The following FAM20B variants were observed in gnomAD, a reference collection of about 807,000 sequenced individuals.
FAM20B encodes FAM20B glycosaminoglycan xylosylkinase.
A neutral mutation model predicts 43.8 loss-of-function variants in FAM20B; 23 were observed. The ratio of observed to expected loss-of-function variants is 0.53; its 90% CI spans 0.38 to 0.74. FAM20B has a LOEUF of 0.74. Among genes scored for constraint, FAM20B ranks in the 30% least tolerant of loss-of-function variants. The probability of loss-of-function intolerance (pLI) is 0.00; values close to 1 mark genes in which losing one functional copy is unlikely to be tolerated. For missense variants in FAM20B, 440 were observed against 510.5 expected (o/e 0.86, Z 1.33); for synonymous variants, 178 against 192.4 (o/e 0.93, Z 0.62).
At position 179,074,584 on chromosome 1, in the gene FAM20B, C is replaced by T. The variant is rs1652060455; in HGVS notation, c.*2440C>T. ...AAAGCAGGCAGGAAAGAAAATGTCT[C>T]ATCCTTTCTTGAAAGCATTTGCAGA... is the stretch of plus-strand genomic sequence containing the variant. On this transcript the variant is annotated 3_prime_UTR_variant, in exon 8 of 8. Coordinates refer to ENST00000263733, the MANE Select transcript of FAM20B (RefSeq NM_014864.4). The T allele has an allele frequency of 6.6e-6, 1 of 152,196 alleles. No homozygotes were observed. The highest frequency in any genetic ancestry group is 2.1e-4 in the South Asian group (1 of 4,834). 9.4% of individuals were successfully genotyped at this position (152,196 alleles called of 1,614,324 possible).
intron 4 of FAM20B, among the ~76,000 whole-genome samples, chr1:179,057,971 T>G (rs1288400289): frequency 6.6e-6 from 1 of 152,210 alleles, no homozygotes; most frequent in East Asian, 1.9e-4. Context: ...GGTTTGTATT[T>G]AACATTTTTT....
chr1:179,075,784 T>C lies in FAM20B; in HGVS notation c.*3640T>C, dbSNP rs768698691. 7 of 151,106 alleles carry C rather than the reference T, an allele frequency of 4.6e-5. No individual in the cohort carries two copies. The highest frequency in any genetic ancestry group is 8.9e-5 in the Non-Finnish European group (6 of 67,724). The allele number at this position is 151,106 out of a possible 1,614,324, so 9.4% of individuals were successfully genotyped here. A position where few individuals can be genotyped will look rare whatever the true frequency, so the allele number is the denominator to read the frequency against. ...ATCTTTTTTTTCTAAAAAAAAAAAA[T>C]GCTTTTGCCTTCCCTTCCCTTCCCA... is the stretch of plus-strand genomic sequence containing the variant. On this transcript the variant is annotated 3_prime_UTR_variant, in exon 8 of 8. Transcript: ENST00000263733.
In FAM20B at chr1:179,064,328, G is replaced by A; in HGVS notation, c.770G>A (p.Cys257Tyr). 6.2e-7 allele frequency: 1 copy of A among 1,612,328 alleles called. No individual in the cohort carries two copies. Among genetic ancestry groups the A allele is most frequent in the Non-Finnish European group, 8.5e-7 (1 of 1,178,734 alleles). The part of the protein sequence containing the change: ...LARWEYDESY[C>Y]DAVKKTSPYD... ...AGGTGGGAGTATGATGAGAGCTACT[G>A]TGATGCTGTGAAGAAAACGTCCCCT... The change falls in exon 6 of 8, where the codon TGT becomes TAT. Residue 257 changes from cysteine (C) to tyrosine (Y), a missense_variant. Transcript: ENST00000263733.
At chr1:179,054,445 A>C (rs1651126726) in intron 3 of FAM20B, 84 bp from the exon 4 acceptor site, 1 of 819,776 alleles carries the variant, frequency 1.2e-6, no homozygotes, top group Admixed American at 1.9e-5. Context: ...CACATTTGAC[A>C]TGATGAACTG....
intron 4 of FAM20B, among the ~76,000 whole-genome samples, chr1:179,060,619 T>C (rs1323824139): frequency 2.0e-5 from 3 of 152,160 alleles, no homozygotes; most frequent in Admixed American, 2.0e-4. Flanking sequence ...CCTGAAACCA[T>C]TCCCACCCAG....
rs1368974123 is a variant in FAM20B, at chr1:179,076,170, C to T, written c.*4026C>T. On this transcript the variant is annotated 3_prime_UTR_variant, in exon 8 of 8. Coordinates refer to ENST00000263733, the MANE Select transcript of FAM20B (RefSeq NM_014864.4). ...AGTGTGCCAGCACAGGCCAGACATA[C>T]TAGTGAGCCAGGCACATCTGGCCTT... The T allele has an allele frequency of 6.6e-6, 1 of 152,138 alleles. No homozygotes were observed. Among genetic ancestry groups the T allele is most frequent in the African/African-American group, 2.4e-5 (1 of 41,410 alleles). The allele number at this position is 152,138 out of a possible 1,614,324, so 9.4% of individuals were successfully genotyped here.
chr1:179,051,700 G>A (rs1651014275), intron 3 of FAM20B, among the ~76,000 whole-genome samples: 1 of 152,194 alleles, frequency 6.6e-6, no homozygotes, highest in Non-Finnish European at 1.5e-5. Flanking sequence ...AGACTGGAGT[G>A]CAGTAGCCTG....
At position 179,051,071 on chromosome 1, in the gene FAM20B, G is replaced by A. The variant is rs376910990; in HGVS notation, c.464+706G>A. Among the ~76,000 whole-genome samples the A allele has an allele frequency of 8.3e-3, 1,256 of 151,116 alleles. 18 individuals carry two copies. Among genetic ancestry groups the A allele is most frequent in the African/African-American group, 0.029 (1,202 of 41,090 alleles). On this transcript the variant is annotated intron_variant, in intron 3 of 7. Transcript: ENST00000263733. Reference sequence around the variant, plus strand: ...CAGGAGGCACAGCTTGCAGTGAGCCGAGATCGTGCCACTGCACTCCAGCCT... The same window carrying A: ...CAGGAGGCACAGCTTGCAGTGAGCCAAGATCGTGCCACTGCACTCCAGCCT...
intron 1 of FAM20B, among the ~76,000 whole-genome samples, chr1:179,037,013 T>C (rs1048885312): frequency 1.3e-5 from 2 of 152,236 alleles, no homozygotes; most frequent in African/African-American, 4.8e-5. Context: ...GACCATAGCA[T>C]GTTCAGTTGA....
At chr1:179,027,684 A>G (rs1649842419) in intron 1 of FAM20B, among the ~76,000 whole-genome samples, 1 of 152,204 alleles carries the variant, frequency 6.6e-6, no homozygotes, top group Non-Finnish European at 1.5e-5. Flanking sequence ...GGATACAGGT[A>G]AAAGATGATC....
Position 179,064,107 on chromosome 1 carries a change from T to C in FAM20B, c.746+9T>C, listed in dbSNP as rs866838512. 11 of 1,601,526 alleles carry C rather than the reference T, an allele frequency of 6.9e-6. No individual in the cohort carries two copies. The Middle Eastern group carries it at 1.2e-3, about 170-fold the overall frequency. On this transcript the variant is annotated intron_variant, in intron 5 of 7. Transcript: ENST00000263733. ...GAAGGCAAATTGGCCAGGTAAATGC[T>C]CCTATGAGCCATTACTTAATTCTCC...
upstream of FAM20B, among the ~76,000 whole-genome samples, chr1:179,022,893 T>C (rs1349211737): frequency 1.3e-5 from 2 of 152,200 alleles, no homozygotes; most frequent in Admixed American, 6.5e-5. Flanking sequence ...TTGGGAAGGC[T>C]ATGAAAGGCT....
chr1:179,076,072 G>T lies in FAM20B; in HGVS notation c.*3928G>T, dbSNP rs1652116601. ...GATTCAGAAAGAACCTTAGTGAAAG[G>T]TTCTCAGTCTCTGAGAGTGGACCCT... On this transcript the variant is annotated 3_prime_UTR_variant, in exon 8 of 8. Coordinates refer to ENST00000263733, the MANE Select transcript of FAM20B (RefSeq NM_014864.4). 2 of 152,178 alleles carry T rather than the reference G, an allele frequency of 1.3e-5. No homozygotes were observed. The highest frequency in any genetic ancestry group is 2.9e-5 in the Non-Finnish European group (2 of 68,026). The allele number at this position is 152,178 out of a possible 1,614,324, so 9.4% of individuals were successfully genotyped here. A position where few individuals can be genotyped will look rare whatever the true frequency, so the allele number is the denominator to read the frequency against.
intron 1 of FAM20B, among the ~76,000 whole-genome samples, chr1:179,030,606 T>C (rs980115167): frequency 6.6e-6 from 1 of 152,254 alleles, no homozygotes; most frequent in Non-Finnish European, 1.5e-5. Flanking sequence ...TTTCTGCATC[T>C]TTTATATACT....
At chr1:179,055,182 C>G (rs1187513948) in intron 4 of FAM20B, among the ~76,000 whole-genome samples, 1 of 152,104 alleles carries the variant, frequency 6.6e-6, no homozygotes. Context: ...GCTATGTTGC[C>G]CCTGGCCTCT....
At chr1:179,036,696 T>C (rs898733106) in intron 1 of FAM20B, among the ~76,000 whole-genome samples, 3 of 152,164 alleles carry the variant, frequency 2.0e-5, no homozygotes, top group African/African-American at 7.2e-5. Context: ...CTCTCTCACA[T>C]ATAAAGGAGT....
intron 1 of FAM20B, among the ~76,000 whole-genome samples, chr1:179,040,328 A>G (rs998929166): frequency 1.7e-4 from 26 of 151,314 alleles, no homozygotes; most frequent in Admixed American, 1.4e-3. Context: ...GGCGCCCCTC[A>G]CCTCCTGGAC....
chr1:179,032,109 G>A (rs1650037280), intron 1 of FAM20B, among the ~76,000 whole-genome samples: 2 of 152,252 alleles, frequency 1.3e-5, no homozygotes, highest in South Asian at 4.1e-4. Context: ...TAAACTCTTA[G>A]TAATGCAATG....
Position 179,040,691 on chromosome 1 carries a change from G to A in FAM20B, c.-133-3024G>A, listed in dbSNP as rs553715222. 1.8e-3 allele frequency among the ~76,000 whole-genome samples: 231 copies of A among 127,850 alleles called. 8 individuals are homozygous for A. The highest frequency in any genetic ancestry group is 2.7e-3 in the Non-Finnish European group (159 of 57,868). The allele number at this position is 127,850 out of a possible 152,430, so 83.9% of individuals were successfully genotyped here. On this transcript the variant is annotated intron_variant, in intron 1 of 7. Transcript: ENST00000263733. Reference sequence around the variant, plus strand: ...CCCCCACCTCCCTCCCGGACGGGGCGGCTGGCCTGGCGGGGGCTGACCCCC... The same window carrying A: ...CCCCCACCTCCCTCCCGGACGGGGCAGCTGGCCTGGCGGGGGCTGACCCCC...
Sources: gnomAD v4.1 joint callset for allele counts (sites outside exome capture counted in the v4.1 genomes callset) on GRCh38, gnomAD v4.1.1 for gene constraint, MANE v1.5 for transcripts, NCBI Gene and HGNC (gene_info 2026-07-23, HGNC 2026-07-21) for gene names.